Variants in C8A observed in about 807,000 individuals in gnomAD.
The protein encoded by C8A is complement C8 alpha chain.
Under a neutral mutation model 65.3 loss-of-function variants are expected in C8A, and 67 were observed. The observed-to-expected ratio is 1.03, with a 90% CI of 0.84 to 1.26. The LOEUF (loss-of-function observed/expected upper bound fraction) is 1.26, where lower values mean the gene tolerates loss of function less well. Ranked by LOEUF, C8A falls within the 50% of genes most tolerant of loss-of-function variation. C8A has a pLI of 0.00. For missense variants in C8A, 781 were observed against 723.9 expected, an observed-to-expected ratio of 1.08 and a Z score of -0.90; for synonymous variants, 290 against 259.4, an observed-to-expected ratio of 1.12 and a Z score of -1.13.
intron 1 of C8A, among the ~76,000 whole-genome samples, chr1:56,855,259 A>T (rs1038841440): frequency 1.3e-5 from 2 of 152,152 alleles, no homozygotes; most frequent in African/African-American, 4.8e-5. Context: ...GTAAAATGAG[A>T]ATAATAATAC....
Position 56,867,563 on chromosome 1 carries a change from A to T in C8A, c.78-46A>T, listed in dbSNP as rs1478968486. ...ATGTGCACAGCTTTCTCATTTGCTT[A>T]AATTTTGCATCTCAAAATTGATGCA... On this transcript the variant is annotated intron_variant, in intron 1 of 10. Coordinates refer to ENST00000361249, the MANE Select transcript of C8A (RefSeq NM_000562.3). 5 of 1,404,004 alleles carry T rather than the reference A, an allele frequency of 3.6e-6. No individual in the cohort carries two copies. The South Asian group carries it at 5.8e-5, about 16-fold the overall frequency. The allele number at this position is 1,404,004 out of a possible 1,614,324, so 87.0% of individuals were successfully genotyped here. A position where few individuals can be genotyped will look rare whatever the true frequency, so the allele number is the denominator to read the frequency against.
At chr1:56,917,282 A>G (rs1169142824) in intron 10 of C8A, among the ~76,000 whole-genome samples, 1 of 152,218 alleles carries the variant, frequency 6.6e-6, no homozygotes, top group Non-Finnish European at 1.5e-5. Context: ...CCTCCTCAGT[A>G]GCAGCTCTGC....
chr1:56,907,152 G>A (rs1186816772), intron 8 of C8A, among the ~76,000 whole-genome samples: 1 of 152,140 alleles, frequency 6.6e-6, no homozygotes, highest in Non-Finnish European at 1.5e-5. Context: ...AGAGAATATG[G>A]TACCGAGTCC....
intron 9 of C8A, among the ~76,000 whole-genome samples, chr1:56,908,920 A>G (rs773935710): frequency 1.3e-5 from 2 of 152,200 alleles, no homozygotes; most frequent in Non-Finnish European, 2.9e-5. Flanking sequence ...AAATATGGAA[A>G]TGTCTGGAGA....
chr1:56,910,612 G>T (rs887011222), intron 9 of C8A, among the ~76,000 whole-genome samples: 1 of 152,316 alleles, frequency 6.6e-6, no homozygotes, highest in East Asian at 1.9e-4. Context: ...CCTATTCTAC[G>T]CTGACTTCCT....
chr1:56,887,726 A>G (rs80056547), intron 7 of C8A, among the ~76,000 whole-genome samples: 2 of 152,206 alleles, frequency 1.3e-5, no homozygotes, highest in African/African-American at 2.4e-5. Flanking sequence ...AAGCCTTGTA[A>G]CCAAATCAAA....
chr1:56,857,590 G>A (rs1249338070), intron 1 of C8A, among the ~76,000 whole-genome samples: 1 of 151,844 alleles, frequency 6.6e-6, no homozygotes, highest in Non-Finnish European at 1.5e-5. Flanking sequence ...AACAATCTCT[G>A]TCTTTTGATT....
chr1:56,915,627 T>A (rs1644544621), intron 10 of C8A, among the ~76,000 whole-genome samples: 1 of 152,192 alleles, frequency 6.6e-6, no homozygotes, highest in Non-Finnish European at 1.5e-5. Context: ...TAGAGCTGCA[T>A]GTGTATGAAC....
chr1:56,888,349 T>A (rs1644317654), intron 7 of C8A, among the ~76,000 whole-genome samples: 1 of 152,164 alleles, frequency 6.6e-6, no homozygotes, highest in East Asian at 1.9e-4. Context: ...TTAAAAAAAA[T>A]TCAAATGCTC....
Position 56,881,347 on chromosome 1 carries a change from A to T in C8A, c.465-98A>T. On this transcript the variant is annotated intron_variant, in intron 4 of 10. Coordinates refer to ENST00000361249, the MANE Select transcript of C8A (RefSeq NM_000562.3). ...GATGTGCAGGTTTGTCACATAGGTA[A>T]ACGTGTGCCATGGTGGTTTAATATA... The T allele has an allele frequency of 4.1e-6, 5 of 1,208,910 alleles. 1 individual carries two copies. The South Asian group carries it at 4.9e-5, about 12-fold the overall frequency. The allele number at this position is 1,208,910 out of a possible 1,614,324, so 74.9% of individuals were successfully genotyped here.
intron 7 of C8A, among the ~76,000 whole-genome samples, chr1:56,904,871 A>C (rs1299848867): frequency 6.6e-6 from 1 of 152,158 alleles, no homozygotes; most frequent in African/African-American, 2.4e-5. Flanking sequence ...TTCTCCCAGC[A>C]TCACGTGGCA....
chr1:56,917,489 C>A, intron 10 of C8A, 76 bp from the exon 11 acceptor site: 1 of 1,514,022 alleles, frequency 6.6e-7, no homozygotes, highest in Non-Finnish European at 9.2e-7. Flanking sequence ...CACACCCCTC[C>A]CTGTTCATCA....
intron 1 of C8A, among the ~76,000 whole-genome samples, chr1:56,866,212 G>A (rs543357885): frequency 6.6e-6 from 1 of 152,282 alleles, no homozygotes; most frequent in East Asian, 1.9e-4. Flanking sequence ...GGATGAAGAA[G>A]CAGAAATAAG....
Position 56,860,980 on chromosome 1 carries a change from G to A in C8A, c.77+6002G>A, listed in dbSNP as rs559375899. Among the ~76,000 whole-genome samples the A allele has an allele frequency of 9.8e-5, 15 of 152,306 alleles. 1 individual carries two copies. The highest frequency in any genetic ancestry group is 3.6e-4 in the African/African-American group (15 of 41,560). ...CACAGACTGCATCTTAGTCAGTTTT[G>A]TGTTGTTATAAAGGAATACCTGAAG... On this transcript the variant is annotated intron_variant, in intron 1 of 10. Coordinates refer to ENST00000361249, the MANE Select transcript of C8A (RefSeq NM_000562.3).
intron 1 of C8A, among the ~76,000 whole-genome samples, chr1:56,856,170 G>C (rs532113676): frequency 7.9e-5 from 12 of 152,212 alleles, no homozygotes; most frequent in African/African-American, 2.9e-4. Context: ...TGAGGTCTTT[G>C]TATCTAATGC....
rs761125557 is a variant in C8A, at chr1:56,854,875, A to G, written c.-27A>G. On this transcript the variant is annotated 5_prime_UTR_variant, in exon 1 of 11. Transcript: ENST00000361249. ...ATAGATAGCTTTATTCCTTCAAGGT[A>G]ATATAGTGCGGTGGCTTCTGGCTGA... The G allele has an allele frequency of 1.1e-5, 17 of 1,599,508 alleles. No individual in the cohort carries two copies. Among genetic ancestry groups the G allele is most frequent in the Admixed American group, 1.0e-4 (6 of 59,606 alleles).
chr1:56,895,156 A>G (rs900210298), intron 7 of C8A, among the ~76,000 whole-genome samples: 3 of 152,084 alleles, frequency 2.0e-5, no homozygotes, highest in Non-Finnish European at 4.4e-5. Flanking sequence ...GATTTTGTAT[A>G]TCTTCCAAGT....
At chr1:56,916,541 G>A (rs1363491567) in intron 10 of C8A, among the ~76,000 whole-genome samples, 1 of 152,128 alleles carries the variant, frequency 6.6e-6, no homozygotes, top group African/African-American at 2.4e-5. Context: ...GAAGGAACTT[G>A]GAGATAATCT....
In C8A at chr1:56,881,489, C is replaced by A. The variant is rs768726327; in HGVS notation, c.509C>A (p.Ala170Asp). 3 of 1,613,542 alleles carry A rather than the reference C, an allele frequency of 1.9e-6. No individual in the cohort carries two copies. The highest frequency in any genetic ancestry group is 2.7e-5 in the African/African-American group (2 of 74,834). Reference sequence around the variant, plus strand: ...GAAGATGCTCAGAGTGTGTACGATGCCAGTTATTATGGGGGCCAGTGTGAG... The same window carrying A: ...GAAGATGCTCAGAGTGTGTACGATGACAGTTATTATGGGGGCCAGTGTGAG... The part of the protein sequence containing the change: ...TQEDAQSVYD[A>D]SYYGGQCETV... Residue 170 changes from alanine (A) to aspartate (D), a missense_variant, in exon 5 of 11, where the codon GCC (alanine) becomes GAC (aspartate). Transcript: ENST00000361249.
Sources: allele counts gnomAD v4.1 joint callset (sites outside exome capture counted in the v4.1 genomes callset), GRCh38; gene constraint gnomAD v4.1.1; transcripts MANE v1.5; gene names NCBI Gene and HGNC (gene_info 2026-07-23, HGNC 2026-07-21).